The following MAP3K13 variants were observed in gnomAD, a reference collection of about 807,000 sequenced individuals.
MAP3K13 encodes the protein leucine zipper-bearing kinase.
Under a neutral mutation model 104.0 loss-of-function variants are expected in MAP3K13, and 52 were observed. That is an observed-to-expected ratio of 0.50 (90% CI 0.40 to 0.63). The LOEUF is 0.63. Ranked by LOEUF, MAP3K13 falls within the 20% of genes least tolerant of loss-of-function variation. The pLI, the probability that MAP3K13 is intolerant of heterozygous loss-of-function variation, is 0.00. For missense variants in MAP3K13, 914 were observed against 1,218.5 expected, an observed-to-expected ratio of 0.75 and a Z score of 3.72; for synonymous variants, 394 against 442.2, an observed-to-expected ratio of 0.89 and a Z score of 1.37.
chr3:185,456,006 GAT>G (rs776526615), intron 7 of MAP3K13, among the ~76,000 whole-genome samples: 70 of 146,142 alleles, frequency 4.8e-4, no homozygotes, highest in African/African-American at 1.6e-3. Flanking sequence ...ATATATATGA[GAT>G]ATATATATAT....
At chr3:185,455,797 GAGATAT>G (rs1560120861) in intron 7 of MAP3K13, among the ~76,000 whole-genome samples, 23 of 90,982 alleles carry the variant, frequency 2.5e-4, no homozygotes, top group African/African-American at 7.7e-4. Context: ...ATATATATAT[GAGATAT>G]ATGAGATATA....
chr3:185,454,977 G>C (rs867235822), intron 7 of MAP3K13, among the ~76,000 whole-genome samples: 3 of 45,396 alleles, frequency 6.6e-5, no homozygotes, highest in Non-Finnish European at 9.5e-5. Context: ...ATATATATAT[G>C]ATATATATGA....
At chr3:185,400,006 A>G (rs1488797629) in intron 1 of MAP3K13, among the ~76,000 whole-genome samples, 4 of 152,052 alleles carry the variant, frequency 2.6e-5, no homozygotes, top group Non-Finnish European at 5.9e-5. Flanking sequence ...CATTCTCCCT[A>G]GAGCTCTTTC....
intron 2 of MAP3K13, chr3:185,292,453 G>C (rs191586560): frequency 6.2e-6 from 1 of 162,418 alleles, no homozygotes; most frequent in Non-Finnish European, 1.3e-5. Context: ...TGTCTGCTTC[G>C]TACTAGGTAT....
chr3:185,324,493 T>C (rs1283540768), intron 2 of MAP3K13, among the ~76,000 whole-genome samples: 3 of 152,202 alleles, frequency 2.0e-5, no homozygotes, highest in African/African-American at 7.2e-5. Context: ...TCCTAGTCCC[T>C]TTTTCTAGAC....
At chr3:185,391,272 T>C (rs2108768164) in intron 1 of MAP3K13, among the ~76,000 whole-genome samples, 1 of 152,302 alleles carries the variant, frequency 6.6e-6, no homozygotes, top group South Asian at 2.1e-4. Flanking sequence ...CTATTTTCTG[T>C]CTCTATGAAT....
Position 185,473,479 on chromosome 3 carries a change from C to T in MAP3K13, c.2148C>T (p.Gly716=), listed in dbSNP as rs779734450. 1.2e-6 allele frequency: 2 copies of T among 1,614,196 alleles called. No homozygotes were observed. The highest frequency in any genetic ancestry group is 1.7e-6 in the Non-Finnish European group (2 of 1,180,048). Residue 716 remains glycine, a synonymous_variant, in exon 11 of 14, where the codon GGC becomes GGT. Transcript: ENST00000265026. This position sits in a 1 kb window ranked among gnomAD's most constrained non-coding sequence, Gnocchi z 4.9. ...DCWRSSEPDK[G]QAGPWGCCQA... The stretch of plus-strand genomic sequence containing the variant: ...GGAGAAGTTCTGAGCCTGACAAGGG[C>T]CAAGCTGGTCCCTGGGGCTGTTGCC...
intron 7 of MAP3K13, among the ~76,000 whole-genome samples, chr3:185,460,411 A>G (rs1392581300): frequency 6.6e-6 from 1 of 152,176 alleles, no homozygotes. Context: ...AGGGTATCTC[A>G]GGCCTTGTAG....
chr3:185,349,222 A>G (rs1374448807), intron 2 of MAP3K13, among the ~76,000 whole-genome samples: 2 of 151,992 alleles, frequency 1.3e-5, no homozygotes, highest in East Asian at 3.9e-4. Flanking sequence ...TATTGAACCC[A>G]TCATGCTAAT....
chr3:185,418,338 A>T lies in MAP3K13; in HGVS notation c.-85-10159A>T. 1 of 1,588,500 alleles carries T rather than the reference A, an allele frequency of 6.3e-7. No individual in the cohort carries two copies. The highest frequency in any genetic ancestry group is 8.6e-7 in the Non-Finnish European group (1 of 1,158,528). The stretch of plus-strand genomic sequence containing the variant: ...CTTCAAATACCAAAGGAAGTTCAGG[A>T]ACTTCCTCAATACGATGACCTTTAG... On this transcript the variant is annotated intron_variant, in intron 1 of 13. Transcript: ENST00000265026. The surrounding 1 kb of genome is among the most constrained non-coding windows in gnomAD (Gnocchi z 4.5).
chr3:185,377,788 C>T (rs13100722), intron 1 of MAP3K13, among the ~76,000 whole-genome samples: 77,100 of 152,110 alleles, frequency 0.51, 20,574 homozygotes, highest in Middle Eastern at 0.66. Flanking sequence ...CCGAGGCGAT[C>T]GGGCAGTGTC....
At chr3:185,386,692 C>G (rs1255770195) in intron 1 of MAP3K13, among the ~76,000 whole-genome samples, 2 of 152,170 alleles carry the variant, frequency 1.3e-5, no homozygotes, top group Non-Finnish European at 2.9e-5. Flanking sequence ...AAATGTGGTA[C>G]ATATACACCG....
At chr3:185,432,929 C>T (rs998254864) in intron 2 of MAP3K13, among the ~76,000 whole-genome samples, 7 of 152,186 alleles carry the variant, frequency 4.6e-5, no homozygotes, top group African/African-American at 7.2e-5. Context: ...AAGGGTTTCG[C>T]TAGCCAGAGA....
At chr3:185,465,690 C>T (rs1371033531) in intron 8 of MAP3K13, 57 bp from the exon 9 acceptor site, 21 of 1,134,510 alleles carry the variant, frequency 1.9e-5, no homozygotes, top group Non-Finnish European at 2.4e-5. Context: ...TTTCATCAAG[C>T]GGACTTTTTT....
chr3:185,461,720 A>C (rs1210017348), intron 7 of MAP3K13, among the ~76,000 whole-genome samples: 3 of 150,498 alleles, frequency 2.0e-5, no homozygotes, highest in Non-Finnish European at 4.4e-5. Flanking sequence ...AGGCCACCAC[A>C]CCCAGCTAAT....
intron 1 of MAP3K13, among the ~76,000 whole-genome samples, chr3:185,426,903 T>C (rs1234907327): frequency 6.6e-6 from 1 of 152,248 alleles, no homozygotes; most frequent in Non-Finnish European, 1.5e-5. Flanking sequence ...TTATAAGCAC[T>C]GTTCTGTCAT....
At chr3:185,479,500 A>G (rs1718325813) in intron 12 of MAP3K13, among the ~76,000 whole-genome samples, 1 of 152,222 alleles carries the variant, frequency 6.6e-6, no homozygotes, top group South Asian at 2.1e-4. Flanking sequence ...TCTCTAAATA[A>G]GAGGCATAAT....
At chr3:185,294,764 G>A (rs1397532628) in intron 2 of MAP3K13, among the ~76,000 whole-genome samples, 1 of 152,174 alleles carries the variant, frequency 6.6e-6, no homozygotes. Context: ...GTAGGAAGTA[G>A]GATCTACCTA....
intron 2 of MAP3K13, among the ~76,000 whole-genome samples, chr3:185,293,987 T>A (rs2108675044): frequency 6.6e-6 from 1 of 152,260 alleles, no homozygotes; most frequent in Non-Finnish European, 1.5e-5. Context: ...AGCAGAAGGA[T>A]TGTGTCAAAT....
Sources: gnomAD v4.1 joint callset for allele counts (sites outside exome capture counted in the v4.1 genomes callset) on GRCh38, gnomAD v4.1.1 for gene constraint, Gnocchi (gnomAD v3.1) non-coding constraint, MANE v1.5 for transcripts, NCBI Gene and HGNC (gene_info 2026-07-23, HGNC 2026-07-21) for gene names.